The following A1CF variants were observed in gnomAD, a reference collection of about 807,000 sequenced individuals.
The protein encoded by A1CF is APOBEC-1 stimulating protein.
Under a neutral mutation model 68.9 loss-of-function variants are expected in A1CF, and 48 were observed. That is an observed-to-expected ratio of 0.70 (90% CI 0.55 to 0.89). The LOEUF (loss-of-function observed/expected upper bound fraction) is 0.89. Ranked by LOEUF, A1CF falls within the 40% of genes least tolerant of loss-of-function variation. A1CF has a pLI of 0.00. For synonymous variants in A1CF, 272 were observed against 260.4 expected (o/e 1.04, Z -0.43); for missense variants, 653 against 718.9 (o/e 0.91, Z 1.05).
At chr10:50,813,121 A>G (rs1294802748) in intron 10 of A1CF, among the ~76,000 whole-genome samples, 1 of 152,208 alleles carries the variant, frequency 6.6e-6, no homozygotes, top group African/African-American at 2.4e-5. Context: ...GCCAAAATGT[A>G]TTTCAGAGAG....
In A1CF at chr10:50,861,335, A is replaced by G. The variant is rs1840735996; in HGVS notation, c.-45-1350T>C. 2.7e-5 allele frequency among the ~76,000 whole-genome samples: 4 copies of G among 150,142 alleles called. No homozygotes were observed. The South Asian group carries it at 8.3e-4, about 31-fold the overall frequency. The stretch of plus-strand genomic sequence containing the variant: ...TACTACTATTACTGATAGCACTAAT[A>G]TTAGTACCAATATTACTAACACTAG... On this transcript the variant is annotated intron_variant, in intron 2 of 12. Transcript: ENST00000373997.
intron 1 of A1CF, among the ~76,000 whole-genome samples, chr10:50,881,291 A>G (rs944083428): frequency 6.6e-6 from 1 of 152,064 alleles, no homozygotes; most frequent in Non-Finnish European, 1.5e-5. Context: ...GCCCGGCCTC[A>G]TCTAGCCTCT....
At chr10:50,819,233 C>T (rs1486840735) in intron 8 of A1CF, among the ~76,000 whole-genome samples, 1 of 152,134 alleles carries the variant, frequency 6.6e-6, no homozygotes, top group Non-Finnish European at 1.5e-5. Flanking sequence ...TCAAGAGATC[C>T]TCCCACCTCA....
chr10:50,865,015 G>A (rs1322433829), intron 1 of A1CF, among the ~76,000 whole-genome samples: 1 of 152,052 alleles, frequency 6.6e-6, no homozygotes, highest in East Asian at 1.9e-4. Flanking sequence ...GATGGGGCCG[G>A]GTGCAGTGGC....
intron 8 of A1CF, 39 bp downstream of exon 8, chr10:50,820,513 G>A: frequency 6.4e-7 from 1 of 1,571,240 alleles, no homozygotes; most frequent in Non-Finnish European, 8.7e-7. Flanking sequence ...CACCAAACTT[G>A]GATGTAATCT....
rs1837562650 is a variant in A1CF at position 50,800,668 on chromosome 10, C to T, written c.*6061G>A. 1 of 151,910 alleles carries T rather than the reference C, an allele frequency of 6.6e-6. No individual in the cohort carries two copies. The highest frequency in any genetic ancestry group is 1.5e-5 in the Non-Finnish European group (1 of 67,990). 9.4% of individuals were successfully genotyped at this position (151,910 alleles called of 1,614,324 possible). A position where few individuals can be genotyped will look rare whatever the true frequency, so the allele number is the denominator to read the frequency against. On this transcript the variant is annotated 3_prime_UTR_variant, in exon 13 of 13. Coordinates refer to ENST00000373997, the MANE Select transcript of A1CF (RefSeq NM_014576.4). ...ATTTGAGGGTTAATAACAATAGAGC[C>T]TGTAAAACTTGTTTAATTTCCAATG... is the stretch of plus-strand genomic sequence containing the variant.
intron 6 of A1CF, among the ~76,000 whole-genome samples, chr10:50,834,109 G>A (rs1443033202): frequency 6.6e-6 from 1 of 152,132 alleles, no homozygotes; most frequent in African/African-American, 2.4e-5. Flanking sequence ...AGTTCCTTCG[G>A]TGGGCCAATG....
rs535450673 is a variant in A1CF at position 50,854,280 on chromosome 10, T to C, written c.99+5562A>G. Among the ~76,000 whole-genome samples, 23 of 152,030 alleles carry C rather than the reference T, an allele frequency of 1.5e-4. 1 individual carries two copies. The highest frequency in any genetic ancestry group is 4.6e-4 in the Admixed American group (7 of 15,246). Reference sequence around the variant, plus strand: ...TGTGAATAATTTTTTAAAATATTCTTCACAAATTTATATGTAGCCTTCAGA... The same window carrying C: ...TGTGAATAATTTTTTAAAATATTCTCCACAAATTTATATGTAGCCTTCAGA... On this transcript the variant is annotated intron_variant, in intron 3 of 12. Transcript: ENST00000373997.
chr10:50,861,948 G>A (rs1195993331), intron 2 of A1CF, among the ~76,000 whole-genome samples: 15 of 149,998 alleles, frequency 1.0e-4, no homozygotes, highest in East Asian at 2.0e-4. Context: ...AATACTAATC[G>A]TAATAATAGT....
At chr10:50,881,133 G>A (rs1008645115) in intron 1 of A1CF, among the ~76,000 whole-genome samples, 2 of 152,056 alleles carry the variant, frequency 1.3e-5, no homozygotes, top group Non-Finnish European at 2.9e-5. Context: ...GGGATTACAG[G>A]TACCCACCAC....
Position 50,816,178 on chromosome 10 carries a change from C to T in A1CF, c.969G>A (p.Leu323=). ...CCAAAGAGTAGGTATACTCTCCTTG[C>T]AGCATGGTGCCCCTTCCACCTGTGC... ...TRGTGGRGTM[L]QGEYTYSLGQ... is the part of the protein sequence containing the mutation. The change falls in exon 9 of 13, where the codon CTG becomes CTA. Residue 323 remains leucine (L), a synonymous_variant. Transcript: ENST00000373997. 1 of 1,613,780 alleles carries T rather than the reference C, an allele frequency of 6.2e-7. No individual in the cohort carries two copies. The highest frequency in any genetic ancestry group is 8.5e-7 in the Non-Finnish European group (1 of 1,179,858).
At chr10:50,882,745 A>C (rs1274187786) in intron 1 of A1CF, among the ~76,000 whole-genome samples, 1 of 152,174 alleles carries the variant, frequency 6.6e-6, no homozygotes, top group Non-Finnish European at 1.5e-5. Flanking sequence ...TCTGTCGATC[A>C]ATACTGTCTT....
intron 3 of A1CF, among the ~76,000 whole-genome samples, chr10:50,849,122 T>C (rs1026851923): frequency 6.6e-6 from 1 of 152,140 alleles, no homozygotes; most frequent in Non-Finnish European, 1.5e-5. Flanking sequence ...CCATAAAAGG[T>C]ACCAACAGGA....
At chr10:50,880,761 A>G (rs1045987587) in intron 1 of A1CF, among the ~76,000 whole-genome samples, 1 of 152,230 alleles carries the variant, frequency 6.6e-6, no homozygotes, top group Non-Finnish European at 1.5e-5. Flanking sequence ...AAATCAATAG[A>G]AATAAAAAAT....
chr10:50,873,433 TACAC>T (rs917105623), intron 1 of A1CF, among the ~76,000 whole-genome samples: 1 of 152,188 alleles, frequency 6.6e-6, no homozygotes, highest in African/African-American at 2.4e-5. Flanking sequence ...GTAGTTGTGT[TACAC>T]ACAGCTACAC....
intron 2 of A1CF, among the ~76,000 whole-genome samples, chr10:50,862,504 C>A (rs1326722439): frequency 6.6e-6 from 1 of 152,140 alleles, no homozygotes; most frequent in Non-Finnish European, 1.5e-5. Context: ...CTTCACCTTT[C>A]TGATGGTTCT....
chr10:50,834,693 A>C (rs534934605), intron 6 of A1CF, among the ~76,000 whole-genome samples: 1 of 152,344 alleles, frequency 6.6e-6, no homozygotes, highest in Admixed American at 6.5e-5. Context: ...ACTATTTGCA[A>C]GAAGGTGTTG....
intron 1 of A1CF, among the ~76,000 whole-genome samples, chr10:50,866,071 A>T (rs1376873095): frequency 6.6e-6 from 1 of 152,210 alleles, no homozygotes; most frequent in Admixed American, 6.5e-5. Flanking sequence ...AATTAAATTT[A>T]ATCTGAATTG....
intron 7 of A1CF, among the ~76,000 whole-genome samples, chr10:50,821,209 TA>T (rs1052931015): frequency 6.6e-6 from 1 of 151,980 alleles, no homozygotes; most frequent in African/African-American, 2.4e-5. Context: ...AATCTTTAAA[TA>T]AAAAACAAAA....
Sources: allele counts gnomAD v4.1 joint callset (sites outside exome capture counted in the v4.1 genomes callset), GRCh38; gene constraint gnomAD v4.1.1; transcripts MANE v1.5; gene names NCBI Gene and HGNC (gene_info 2026-07-23, HGNC 2026-07-21).